PDE1C: variants seen among roughly 807,000 people sequenced by gnomAD.
The protein encoded by PDE1C is dual specificity calcium/calmodulin-dependent 3',5'-cyclic nucleotide phosphodiesterase 1C.
In PDE1C, 62 loss-of-function variants were observed where a neutral mutation model predicts 93.1. That is an observed-to-expected ratio of 0.67 (90% CI 0.54 to 0.82). The LOEUF is 0.82. Ranked by LOEUF, PDE1C falls within the 40% of genes least tolerant of loss-of-function variation. The pLI is 0.00. For missense variants in PDE1C, 742 were observed against 884.6 expected (o/e 0.84, Z 2.04); for synonymous variants, 325 against 310.1 (o/e 1.05, Z -0.50).
intron 16 of PDE1C, chr7:31,784,996 G>A (rs1479370891): frequency 6.6e-6 from 1 of 152,190 alleles, no homozygotes; most frequent in African/African-American, 2.4e-5. Flanking sequence ...TAGGTCATGA[G>A]AGGGAAGCAA....
intron 2 of PDE1C, among the ~76,000 whole-genome samples, chr7:32,018,179 C>T (rs30556): frequency 0.83 from 125,621 of 151,410 alleles, 52,336 homozygotes; most frequent in African/African-American, 0.89. Flanking sequence ...GGTGATTATG[C>T]TGAGAAATTG....
At chr7:31,666,002 T>C in the PDE1C span, among the ~76,000 whole-genome samples, 24 of 152,302 alleles carry the variant, frequency 1.6e-4, no homozygotes, top group African/African-American at 5.5e-4. Flanking sequence ...GAAATCACTT[T>C]AGCTGGGTAC....
the PDE1C span, among the ~76,000 whole-genome samples, chr7:31,717,485 G>A: frequency 0.029 from 4,423 of 152,200 alleles, 102 homozygotes; most frequent in African/African-American, 0.04. Flanking sequence ...CAGAAGGGAA[G>A]GTAGGGGAAG....
chr7:31,731,287 A>C, the PDE1C span, among the ~76,000 whole-genome samples: 2 of 152,094 alleles, frequency 1.3e-5, no homozygotes, highest in Non-Finnish European at 2.9e-5. Context: ...GCTGAGGATC[A>C]ACTGGCCCGT....
At chr7:32,320,435 T>G (rs1461465321) in intron 1 of PDE1C, among the ~76,000 whole-genome samples, 1 of 152,068 alleles carries the variant, frequency 6.6e-6, no homozygotes, top group Non-Finnish European at 1.5e-5. Flanking sequence ...GATGGGGTGA[T>G]CTGTGCGGCA....
At chr7:32,029,659 C>T (rs771852141) in intron 2 of PDE1C, among the ~76,000 whole-genome samples, 10 of 151,938 alleles carry the variant, frequency 6.6e-5, no homozygotes, top group Non-Finnish European at 1.0e-4. Flanking sequence ...CTCAAGGCAT[C>T]GAGTTTAAGA....
At chr7:32,320,390 G>C (rs992509128) in intron 1 of PDE1C, among the ~76,000 whole-genome samples, 1 of 152,118 alleles carries the variant, frequency 6.6e-6, no homozygotes, top group African/African-American at 2.4e-5. Flanking sequence ...GCATCAGGAA[G>C]AATAGCTAAT....
chr7:31,953,251 A>C lies in PDE1C; in HGVS notation c.129-72391T>G, dbSNP rs117855539. On this transcript the variant is annotated intron_variant, in intron 2 of 17. Transcript: ENST00000396191. ...CACAGGTTTGCGACGGTGCTGATTC[A>C]ATTAGTAACCCCAGCAGGTTCTACC... Among the ~76,000 whole-genome samples the C allele has an allele frequency of 8.8e-3, 1,337 of 152,272 alleles. 14 individuals are homozygous for C. The highest frequency in any genetic ancestry group is 0.016 in the Non-Finnish European group (1,066 of 68,014).
chr7:32,303,681 A>T (rs1812930825), upstream of PDE1C, among the ~76,000 whole-genome samples: 1 of 152,226 alleles, frequency 6.6e-6, no homozygotes, highest in African/African-American at 2.4e-5. Flanking sequence ...GGCCCAAAAA[A>T]GGTGCCAAAA....
chr7:31,850,323 G>A (rs938723144), intron 8 of PDE1C, among the ~76,000 whole-genome samples: 3 of 152,012 alleles, frequency 2.0e-5, no homozygotes, highest in African/African-American at 4.8e-5. Context: ...GGGCCTTTAC[G>A]TAAACTGCCC....
intron 17 of PDE1C, among the ~76,000 whole-genome samples, chr7:31,756,233 T>C (rs1312710530): frequency 6.6e-6 from 1 of 152,130 alleles, no homozygotes; most frequent in African/African-American, 2.4e-5. Context: ...AGTAAACACT[T>C]CTTCCAGGGG....
chr7:31,832,176 C>G (rs1790496452), intron 11 of PDE1C, among the ~76,000 whole-genome samples: 1 of 152,110 alleles, frequency 6.6e-6, no homozygotes, highest in Non-Finnish European at 1.5e-5. Context: ...AAAAAACTCA[C>G]CAACACGTGT....
chr7:31,764,203 T>G (rs1376735250), intron 17 of PDE1C, among the ~76,000 whole-genome samples: 1 of 152,132 alleles, frequency 6.6e-6, no homozygotes, highest in East Asian at 1.9e-4. Context: ...CAAGCTGGAG[T>G]GCAGTGGCAC....
At chr7:31,951,772 C>T (rs1039118396) in intron 2 of PDE1C, among the ~76,000 whole-genome samples, 1 of 152,166 alleles carries the variant, frequency 6.6e-6, no homozygotes, top group Non-Finnish European at 1.5e-5. Context: ...TGGGTAAACC[C>T]GGTGTGTGGG....
At chr7:31,828,502 A>T in intron 11 of PDE1C, 129 bp from the exon 12 acceptor site, 1 of 615,160 alleles carries the variant, frequency 1.6e-6, no homozygotes. Flanking sequence ...ATTATAAAAT[A>T]AGTCTTTATG....
At chr7:32,082,606 T>C (rs979744640) in intron 3 of PDE1C, among the ~76,000 whole-genome samples, 8 of 152,028 alleles carry the variant, frequency 5.3e-5, no homozygotes, top group African/African-American at 1.7e-4. Context: ...CACCCCCCAG[T>C]AGGGGCAGAC....
Position 32,420,379 on chromosome 7 carries a change from GTATATA to G in PDE1C, c.310+7437_310+7442del, listed in dbSNP as rs78951846. 1.6e-3 allele frequency among the ~76,000 whole-genome samples: 45 copies of G among 28,164 alleles called. 17 individuals are homozygous for G. The highest frequency in any genetic ancestry group is 2.5e-3 in the Non-Finnish European group (36 of 14,460). The allele number at this position is 28,164 out of a possible 152,430, so 18.5% of individuals were successfully genotyped here. On this transcript the variant is annotated intron_variant, in intron 1 of 1. Transcript: ENST00000672256. The stretch of plus-strand genomic sequence containing the variant: ...TATATATATATGTGTATATATATGT[GTATATA>G]TATATATACACACACACACACACAC...
chr7:31,642,771 C>T, the PDE1C span: 1 of 1,614,000 alleles, frequency 6.2e-7, no homozygotes, highest in East Asian at 2.2e-5. Context: ...CATCCCAGGA[C>T]TGTCAGCTAG....
chr7:32,026,868 A>G (rs1243677481), intron 2 of PDE1C, among the ~76,000 whole-genome samples: 1 of 152,168 alleles, frequency 6.6e-6, no homozygotes, highest in Non-Finnish European at 1.5e-5. Flanking sequence ...ATGAAAAGAC[A>G]TAGAGAAAAC....
Sources: allele counts gnomAD v4.1 joint callset (sites outside exome capture counted in the v4.1 genomes callset), GRCh38; gene constraint gnomAD v4.1.1; transcripts MANE v1.5; gene names NCBI Gene and HGNC (gene_info 2026-07-23, HGNC 2026-07-21).